VBP1: variants seen among roughly 807,000 people sequenced by gnomAD.
VBP1 encodes the protein VHL binding protein 1.
A neutral mutation model predicts 15.5 loss-of-function variants in VBP1; 4 were observed. That is an observed-to-expected ratio of 0.26 (90% CI 0.13 to 0.59). The LOEUF (loss-of-function observed/expected upper bound fraction) is 0.59, where lower values mean the gene tolerates loss of function less well. Among genes scored for constraint, VBP1 ranks in the 20% least tolerant of loss-of-function variants. The pLI is 0.90. For missense variants in VBP1, 108 were observed against 139.6 expected (o/e 0.77, Z 1.14); for synonymous variants, 61 against 52.1 (o/e 1.17, Z -0.74).
rs1557312002 is a variant in VBP1 at position 155,239,503 on chromosome X, A to T, written c.*661A>T. 1 of 112,054 alleles carries T rather than the reference A, an allele frequency of 8.9e-6. No homozygotes were observed. The highest frequency in any genetic ancestry group is 3.3e-5 in the African/African-American group (1 of 30,769). The allele number at this position is 112,054 out of a possible 1,213,427, so 9.2% of individuals were successfully genotyped here. A position where few individuals can be genotyped will look rare whatever the true frequency, so the allele number is the denominator to read the frequency against. ...ATCTTGGCCAACGTGAAATAAAATT[A>T]CTCATTCAAAACTCTGCCTAAGGTG... On this transcript the variant is annotated 3_prime_UTR_variant, in exon 6 of 6. Transcript: ENST00000286428.
intron 2 of VBP1, among the ~76,000 whole-genome samples, chrX:155,223,634 C>T (rs1455468211): frequency 3.5e-5 from 4 of 112,806 alleles, no homozygotes; most frequent in African/African-American, 1.3e-4. Flanking sequence ...ATCTCTCCTT[C>T]CTTTCCCCAC....
chrX:155,211,068 C>G (rs1392118093), intron 2 of VBP1, among the ~76,000 whole-genome samples: 2 of 111,624 alleles, frequency 1.8e-5, no homozygotes, highest in Non-Finnish European at 3.8e-5. Context: ...AATGGAGGCC[C>G]TAAGAGAGAT....
intron 4 of VBP1, among the ~76,000 whole-genome samples, chrX:155,234,701 A>G (rs2074763706): frequency 9.0e-6 from 1 of 111,257 alleles, no homozygotes; most frequent in African/African-American, 3.3e-5. Flanking sequence ...TATTGAATGC[A>G]CATCATAGTC....
At chrX:155,220,347 A>G in intron 2 of VBP1, 40 bp downstream of exon 2, 2 of 1,063,597 alleles carry the variant, frequency 1.9e-6, no homozygotes, top group Non-Finnish European at 2.5e-6. Context: ...ATCTTATATG[A>G]CTTGAACTTT....
rs782717232 is a variant in VBP1, at chrX:155,239,125, A to G, written c.*283A>G. 3 of 216,922 alleles carry G rather than the reference A, an allele frequency of 1.4e-5. No individual in the cohort carries two copies. In the Admixed American group the frequency reaches 2.1e-4, roughly 15 times the overall value. The allele number at this position is 216,922 out of a possible 1,213,427, so 17.9% of individuals were successfully genotyped here. ...ATGGCCGAAAACTGTGAGACATGCT[A>G]TGGAAGCTGAATGCCGGACGCTAGC... On this transcript the variant is annotated 3_prime_UTR_variant, in exon 6 of 6. Transcript: ENST00000286428.
upstream of VBP1, among the ~76,000 whole-genome samples, chrX:155,215,365 A>T (rs1557308911): frequency 9.0e-6 from 1 of 111,487 alleles, no homozygotes; most frequent in Non-Finnish European, 1.9e-5. Flanking sequence ...TGGTTAGCTA[A>T]CATGTCTTCA....
At position 155,216,516 on chromosome X, in the gene VBP1, G is replaced by A. The variant is rs1417056668; in HGVS notation, c.34G>A (p.Glu12Lys). The A allele has an allele frequency of 2.6e-6, 3 of 1,170,217 alleles. No individual in the cohort carries two copies. The African/African-American group carries it at 5.3e-5, about 21-fold the overall frequency. The stretch of plus-strand genomic sequence containing the variant: ...CGTTAAGGACAGTTGTGGCAAAGGA[G>A]AAATGGCCACAGGGAATGGGCGGCG... ...AAVKDSCGKG[E>K]MATGNGRRLH... The change falls in exon 1 of 6, where the codon GAA becomes AAA. Residue 12 changes from glutamate (E) to lysine (K), a missense_variant. Transcript: ENST00000286428.
chrX:155,222,594 C>CA, intron 2 of VBP1, among the ~76,000 whole-genome samples: 1 of 110,571 alleles, frequency 9.0e-6, no homozygotes, highest in East Asian at 2.8e-4. Context: ...TAGACAAAAA[C>CA]AAAAAAAAGA....
At chrX:155,199,341 T>C (rs1172773487) in intron 1 of VBP1, among the ~76,000 whole-genome samples, 1 of 110,514 alleles carries the variant, frequency 9.0e-6, no homozygotes, top group African/African-American at 3.3e-5. Context: ...GGAAAAAATG[T>C]TAAGGGCAGC....
chrX:155,201,462 A>T (rs1557307452), intron 1 of VBP1, among the ~76,000 whole-genome samples: 1 of 95,146 alleles, frequency 1.1e-5, no homozygotes, highest in Non-Finnish European at 2.1e-5. Flanking sequence ...CAATATACAC[A>T]AATCAATAAA....
chrX:155,229,022 C>CT (rs1395768024), intron 4 of VBP1, among the ~76,000 whole-genome samples: 2 of 111,958 alleles, frequency 1.8e-5, no homozygotes, highest in African/African-American at 6.5e-5. Context: ...TCTCAGTCCT[C>CT]TGACTATCCA....
At chrX:155,237,192 C>T (rs1156534644) in intron 5 of VBP1, among the ~76,000 whole-genome samples, 1 of 111,118 alleles carries the variant, frequency 9.0e-6, no homozygotes, top group Admixed American at 9.5e-5. Context: ...AGCTCTTTGC[C>T]TTTCTTCTCT....
chrX:155,203,980 C>G (rs956621558), intron 1 of VBP1, among the ~76,000 whole-genome samples: 2 of 111,443 alleles, frequency 1.8e-5, no homozygotes, highest in Non-Finnish European at 3.8e-5. Flanking sequence ...GCACAGCTAT[C>G]GGACCTTGTG....
chrX:155,197,088 A>G (rs781852800), exon 1 of VBP1: 1 of 112,297 alleles, frequency 8.9e-6, no homozygotes, highest in South Asian at 3.6e-4. Flanking sequence ...GACATCATAA[A>G]CGAAGACTGG....
intron 1 of VBP1, among the ~76,000 whole-genome samples, chrX:155,202,334 A>C (rs1444640811): frequency 5.4e-5 from 6 of 111,816 alleles, no homozygotes; most frequent in Non-Finnish European, 7.5e-5. Flanking sequence ...AGCTGGAGGC[A>C]TCATGCTACC....
At chrX:155,211,517 T>C (rs1255058902), upstream of VBP1, among the ~76,000 whole-genome samples, 3 of 112,426 alleles carry the variant, frequency 2.7e-5, no homozygotes, top group Non-Finnish European at 5.6e-5. Flanking sequence ...GGCACTCGTC[T>C]CAGCTTCTCC....
chrX:155,230,308 AGTCACATTCTGAGCTACTGGGG>A (rs2074739408), intron 4 of VBP1, among the ~76,000 whole-genome samples: 1 of 112,017 alleles, frequency 8.9e-6, no homozygotes, highest in African/African-American at 3.2e-5. Context: ...CTCCAAATAA[AGTCACATTCTGAGCTACTGGGG>A]GTTAGTAGTC....
At chrX:155,201,665 C>A (rs1462704519) in intron 1 of VBP1, among the ~76,000 whole-genome samples, 1 of 96,596 alleles carries the variant, frequency 1.0e-5, no homozygotes, top group Non-Finnish European at 2.0e-5. Flanking sequence ...ACTGAATGGG[C>A]AAAAACTGGA....
intron 4 of VBP1, among the ~76,000 whole-genome samples, 187 bp downstream of exon 4, chrX:155,228,669 G>A (rs1170629521): frequency 8.9e-6 from 1 of 111,928 alleles, no homozygotes; most frequent in Non-Finnish European, 1.9e-5. Flanking sequence ...ATTAGAAATT[G>A]ACTAGAATCA....
Sources: allele counts gnomAD v4.1 joint callset (sites outside exome capture counted in the v4.1 genomes callset), GRCh38; gene constraint gnomAD v4.1.1; transcripts MANE v1.5; gene names NCBI Gene and HGNC (gene_info 2026-07-23, HGNC 2026-07-21).